B3GLCT: variants seen among roughly 807,000 people sequenced by gnomAD.
The protein encoded by B3GLCT is beta 3-glucosyltransferase.
In B3GLCT, 65 loss-of-function variants were observed where a neutral mutation model predicts 63.4. The ratio of observed to expected loss-of-function variants is 1.03; its 90% CI spans 0.84 to 1.26. The LOEUF (loss-of-function observed/expected upper bound fraction) is 1.26, where lower values mean the gene tolerates loss of function less well. Ranked by LOEUF, B3GLCT falls within the 50% of genes most tolerant of loss-of-function variation. The pLI is 0.00. For synonymous variants in B3GLCT, 233 were observed against 219.2 expected, an observed-to-expected ratio of 1.06 and a Z score of -0.55; for missense variants, 577 against 604.8, an observed-to-expected ratio of 0.95 and a Z score of 0.48.
chr13:31,266,205 A>T (rs2137840181), intron 7 of B3GLCT, among the ~76,000 whole-genome samples: 1 of 152,038 alleles, frequency 6.6e-6, no homozygotes, highest in African/African-American at 2.4e-5. Context: ...TCACCGTGTT[A>T]GCCAGGATGG....
intron 4 of B3GLCT, among the ~76,000 whole-genome samples, chr13:31,231,961 A>G (rs1870402821): frequency 6.6e-6 from 1 of 152,138 alleles, no homozygotes; most frequent in Non-Finnish European, 1.5e-5. Flanking sequence ...TGGCAGTTGT[A>G]TTTAGGAATG....
chr13:31,246,951 C>CTTTTTTTTTTTTTTT (rs66466340), intron 4 of B3GLCT, 72 bp from the exon 5 acceptor site: 70 of 779,622 alleles, frequency 9.0e-5, no homozygotes, highest in Admixed American at 2.4e-4. Context: ...CTTTTCTTTT[C>CTTTTTTTTTTTTTTT]TTTTTTTTTT....
chr13:31,251,174 AC>A (rs1291708152), intron 6 of B3GLCT, among the ~76,000 whole-genome samples: 1 of 152,202 alleles, frequency 6.6e-6, no homozygotes, highest in East Asian at 1.9e-4. Flanking sequence ...ATCAACATCA[AC>A]AAAAAGGACG....
intron 3 of B3GLCT, among the ~76,000 whole-genome samples, chr13:31,226,720 C>T (rs1185028385): frequency 6.6e-6 from 1 of 151,954 alleles, no homozygotes; most frequent in African/African-American, 2.4e-5. Context: ...CAGGTGCATG[C>T]CACCATGCCC....
chr13:31,316,568 G>A (rs1049035992), intron 12 of B3GLCT, among the ~76,000 whole-genome samples: 1 of 150,848 alleles, frequency 6.6e-6, no homozygotes, highest in African/African-American at 2.4e-5. Flanking sequence ...TGGGGCCTGT[G>A]GCCCCTTTGT....
chr13:31,302,586 G>A (rs1234926766), intron 12 of B3GLCT, among the ~76,000 whole-genome samples: 2 of 95,926 alleles, frequency 2.1e-5, no homozygotes, highest in Non-Finnish European at 4.3e-5. Flanking sequence ...GGAAAATCGG[G>A]TCACTCCCAC....
intron 12 of B3GLCT, among the ~76,000 whole-genome samples, chr13:31,316,202 T>C (rs1481331766): frequency 1.3e-5 from 2 of 151,490 alleles, no homozygotes; most frequent in Admixed American, 1.3e-4. Context: ...GCCACCATCT[T>C]CCAGACCCCA....
At chr13:31,201,760 A>G (rs552847788) in intron 1 of B3GLCT, among the ~76,000 whole-genome samples, 2 of 152,330 alleles carry the variant, frequency 1.3e-5, no homozygotes, top group East Asian at 1.9e-4. Context: ...TATTACCCCC[A>G]GGGGAATATT....
chr13:31,248,109 A>G (rs1593271615), intron 6 of B3GLCT, 143 bp downstream of exon 6: 1 of 618,410 alleles, frequency 1.6e-6, no homozygotes, highest in East Asian at 3.0e-5. Context: ...AATATCTGAG[A>G]TATGTTAAGT....
intron 6 of B3GLCT, among the ~76,000 whole-genome samples, chr13:31,259,356 T>C (rs1871902377): frequency 6.8e-6 from 1 of 148,012 alleles, no homozygotes; most frequent in Non-Finnish European, 1.5e-5. Flanking sequence ...TAGGACTTCC[T>C]ATAGAAGGAT....
In B3GLCT at chr13:31,269,132, A is replaced by G. The variant is rs1198164772; in HGVS notation, c.597-82A>G. On this transcript the variant is annotated intron_variant, in intron 7 of 14. Transcript: ENST00000343307. ...AATCTGTATGTTTATCTGTTTTCAA[A>G]CACTAGAAAGTCTCAAGAATGTGTT... 6.5e-6 allele frequency: 6 copies of G among 927,704 alleles called. No individual in the cohort carries two copies. In the East Asian group the frequency reaches 1.5e-4, roughly 22 times the overall value. 57.5% of individuals were successfully genotyped at this position (927,704 alleles called of 1,614,324 possible).
chr13:31,287,280 G>A (rs138110497), intron 12 of B3GLCT, among the ~76,000 whole-genome samples: 2,305 of 152,232 alleles, frequency 0.015, 24 homozygotes, highest in Non-Finnish European at 0.024. Context: ...ATAGAGTATT[G>A]ATCAGTGCAT....
intron 12 of B3GLCT, chr13:31,312,772 A>G (rs368859804): frequency 2.3e-4 from 35 of 152,364 alleles, no homozygotes; most frequent in African/African-American, 7.9e-4. Flanking sequence ...AAGCAGCTCT[A>G]TCTACAAGAA....
At chr13:31,327,404 T>C (rs917458896) in intron 14 of B3GLCT, among the ~76,000 whole-genome samples, 12 of 152,204 alleles carry the variant, frequency 7.9e-5, no homozygotes, top group African/African-American at 2.7e-4. Context: ...GGAGGATTCA[T>C]GCCCAGTGCG....
rs34854594 is a variant in B3GLCT at position 31,317,635 on chromosome 13, C to A, written c.1134C>A (p.Tyr378Ter). The change falls in exon 13 of 15, where the codon TAC becomes TAA. Residue 378 changes from tyrosine (Y) to a stop codon, truncating the protein, a stop_gained. Transcript: ENST00000343307. LOFTEE classifies it high-confidence loss of function. ...AGCCTGTGTTTCTGGGAGAGCGCTA[C>A]GGCTACGGCCTGGGCACTGGTGGCT... is the stretch of plus-strand genomic sequence containing the variant. ...SGEPVFLGER[Y>*]GYGLGTGGYS... 1 of 1,613,914 alleles carries A rather than the reference C, an allele frequency of 6.2e-7. No individual in the cohort carries two copies. Among genetic ancestry groups the A allele is most frequent in the African/African-American group, 1.3e-5 (1 of 74,890 alleles).
At chr13:31,204,580 G>A (rs1868846029) in intron 1 of B3GLCT, among the ~76,000 whole-genome samples, 1 of 152,150 alleles carries the variant, frequency 6.6e-6, no homozygotes, top group South Asian at 2.1e-4. Flanking sequence ...GCCAGGTTGG[G>A]TAGGGCCTTG....
chr13:31,320,738 C>G (rs1875292453), intron 13 of B3GLCT, among the ~76,000 whole-genome samples: 1 of 152,140 alleles, frequency 6.6e-6, no homozygotes, highest in Non-Finnish European at 1.5e-5. Flanking sequence ...CCATCTACAC[C>G]CTTATCTTAA....
chr13:31,224,786 G>A (rs1870010643), intron 3 of B3GLCT, among the ~76,000 whole-genome samples: 1 of 152,118 alleles, frequency 6.6e-6, no homozygotes, highest in Admixed American at 6.5e-5. Context: ...TCATAAGGCT[G>A]CTTGTTACAG....
chr13:31,253,544 T>C (rs9529842), intron 6 of B3GLCT, among the ~76,000 whole-genome samples: 137,371 of 142,328 alleles, frequency 0.97, 66,353 homozygotes, highest in East Asian at 1. Context: ...AGCAGTTGTC[T>C]GAGATTGTGC....
Sources: allele counts gnomAD v4.1 joint callset (sites outside exome capture counted in the v4.1 genomes callset), GRCh38; gene constraint gnomAD v4.1.1; transcripts MANE v1.5; gene names NCBI Gene and HGNC (gene_info 2026-07-23, HGNC 2026-07-21).